C9orf40: variants seen among roughly 807,000 people sequenced by gnomAD.
C9orf40 encodes the protein uncharacterized protein C9orf40.
C9orf40 carries 2 observed loss-of-function variants against 7.9 expected under a neutral mutation model. That is an observed-to-expected ratio of 0.25 (90% CI 0.10 to 0.80). C9orf40 has a LOEUF of 0.80. C9orf40 is among the 30% of genes least tolerant of loss of function. C9orf40 has a pLI of 0.68. For synonymous variants in C9orf40, 113 were observed against 117.6 expected (o/e 0.96, Z 0.25); for missense variants, 256 against 268.5 (o/e 0.95, Z 0.33).
chr9:74,950,761 C>T (rs371143642), intron 1 of C9orf40, among the ~76,000 whole-genome samples: 15 of 152,270 alleles, frequency 9.9e-5, no homozygotes, highest in East Asian at 9.6e-4. Flanking sequence ...AGGATGCTAT[C>T]AGACAGCTGA....
chr9:74,949,957 G>C (rs1426093750), intron 1 of C9orf40, among the ~76,000 whole-genome samples: 2 of 151,604 alleles, frequency 1.3e-5, no homozygotes, highest in African/African-American at 2.4e-5. Context: ...AGCCCAGCCT[G>C]GGTAACATGG....
rs759542060 is a variant in C9orf40, at chr9:74,952,399, G to A, written c.213C>T (p.Ser71=). 5.7e-6 allele frequency: 9 copies of A among 1,581,580 alleles called. No homozygotes were observed. The highest frequency in any genetic ancestry group is 4.3e-6 in the Non-Finnish European group (5 of 1,171,328). ...TGTTGTCCCCGCTGTCACGGCGCTT[G>A]CTGGGCGAAGCCGAGGGCTCTGCCA... ...GTMAEPSASP[S]KRRDSGDNSA... Residue 71 remains serine (S), a synonymous_variant, in exon 1 of 2, where the codon AGC becomes AGT. Coordinates refer to ENST00000376854, the MANE Select transcript of C9orf40 (RefSeq NM_017998.3). This position sits in a 1 kb window ranked among gnomAD's most constrained non-coding sequence, Gnocchi z 5.4.
chr9:74,951,585 C>A (rs1832299418), intron 1 of C9orf40, among the ~76,000 whole-genome samples: 1 of 152,224 alleles, frequency 6.6e-6, no homozygotes. Flanking sequence ...GACACCACGC[C>A]CCGCCCCCAA....
In C9orf40 at chr9:74,952,199, AC is replaced by A. The variant is rs1184201262; in HGVS notation, c.412del (p.Val138SerfsTer34). The A allele has an allele frequency of 6.2e-5, 21 of 339,416 alleles. No homozygotes were observed. The highest frequency in any genetic ancestry group is 6.2e-5 in the African/African-American group (2 of 32,260). 21.0% of individuals were successfully genotyped at this position (339,416 alleles called of 1,614,324 possible). On this transcript the variant is annotated frameshift_variant, in exon 1 of 2. Coordinates refer to ENST00000376854, the MANE Select transcript of C9orf40 (RefSeq NM_017998.3). LOFTEE classifies it high-confidence loss of function. This position sits in a 1 kb window ranked among gnomAD's most constrained non-coding sequence, Gnocchi z 5.4. ...RAGPPRGDWG[V>X]ASRQHNEEFW... ...CCCAGCCCCTACCTGGCGCGATGCGACCCCCCAGTCTCCCCGCGGGGGTCCT... is the reference window on the plus strand; with the variant it reads ...CCCAGCCCCTACCTGGCGCGATGCGACCCCCAGTCTCCCCGCGGGGGTCCT...
chr9:74,948,284 T>C (rs1832263464), intron 1 of C9orf40, 78 bp from the exon 2 acceptor site: 2 of 988,314 alleles, frequency 2.0e-6, no homozygotes, highest in Non-Finnish European at 3.0e-6. Flanking sequence ...CAAATTTGTT[T>C]TAAAGGCAAA....
rs772407295 is a variant in C9orf40, at chr9:74,952,157, C to A, written c.426+29G>T. On this transcript the variant is annotated intron_variant, in intron 1 of 1. Coordinates refer to ENST00000376854, the MANE Select transcript of C9orf40 (RefSeq NM_017998.3). This position sits in a 1 kb window ranked among gnomAD's most constrained non-coding sequence, Gnocchi z 5.4. ...GTGGGGAAAAGGCAAGCCCCTTCGCCCCTCAGCCCACCCGCCCCCAGCCCC... is the reference window on the plus strand; with the variant it reads ...GTGGGGAAAAGGCAAGCCCCTTCGCACCTCAGCCCACCCGCCCCCAGCCCC... 5 of 561,054 alleles carry A rather than the reference C, an allele frequency of 8.9e-6. No individual in the cohort carries two copies. In the East Asian group the frequency reaches 1.9e-4, roughly 21 times the overall value. 34.8% of individuals were successfully genotyped at this position (561,054 alleles called of 1,614,324 possible).
chr9:74,952,676 C>T lies in C9orf40; in HGVS notation c.-65G>A, dbSNP rs1832318971. On this transcript the variant is annotated 5_prime_UTR_variant, in exon 1 of 2. Coordinates refer to ENST00000376854, the MANE Select transcript of C9orf40 (RefSeq NM_017998.3). This position sits in a 1 kb window ranked among gnomAD's most constrained non-coding sequence, Gnocchi z 5.4. Reference sequence around the variant, plus strand: ...ACCGAGTGCCGATAGCTGCGGGGGGCGAAGAGCGAGGACTGAGCGCGTGAG... The same window carrying T: ...ACCGAGTGCCGATAGCTGCGGGGGGTGAAGAGCGAGGACTGAGCGCGTGAG... 4 of 1,427,636 alleles carry T rather than the reference C, an allele frequency of 2.8e-6. No homozygotes were observed. Among genetic ancestry groups the T allele is most frequent in the Non-Finnish European group, 3.7e-6 (4 of 1,071,748 alleles). 88.4% of individuals were successfully genotyped at this position (1,427,636 alleles called of 1,614,324 possible).
rs773817891 is a variant in C9orf40 at position 74,948,082 on chromosome 9, C to T, written c.551G>A (p.Arg184Lys). ...DTLTEATLQG[R>K]NEGAEVDMES Reference sequence around the variant, plus strand: ...CATGTCAACCTCAGCCCCTTCATTCCTGCCCTGAAGTGTTGCTTCTGTCAG... The same window carrying T: ...CATGTCAACCTCAGCCCCTTCATTCTTGCCCTGAAGTGTTGCTTCTGTCAG... Residue 184 changes from arginine (R) to lysine (K), a missense_variant, in exon 2 of 2, where the codon AGG becomes AAG. Arg to Lys is a conservative substitution (Grantham distance 26). Coordinates refer to ENST00000376854, the MANE Select transcript of C9orf40 (RefSeq NM_017998.3). The T allele has an allele frequency of 6.2e-7, 1 of 1,614,024 alleles. No homozygotes were observed. Among genetic ancestry groups the T allele is most frequent in the Admixed American group, 1.7e-5 (1 of 60,010 alleles).
chr9:74,952,116 G>T lies in C9orf40; in HGVS notation c.426+70C>A. ...CCTACACAAGTCATGAGTGGGAACC[G>T]GGGCGTTTTGTGTGTGTGGGGAAAA... On this transcript the variant is annotated intron_variant, in intron 1 of 1. Transcript: ENST00000376854. The surrounding 1 kb of genome is among the most constrained non-coding windows in gnomAD (Gnocchi z 5.4). The T allele has an allele frequency of 3.6e-6, 2 of 548,130 alleles. No homozygotes were observed. Among genetic ancestry groups the T allele is most frequent in the East Asian group, 3.4e-5 (1 of 29,834 alleles). 34.0% of individuals were successfully genotyped at this position (548,130 alleles called of 1,614,324 possible).
In C9orf40 at chr9:74,952,824, G is replaced by A; in HGVS notation, c.-213C>T. On this transcript the variant is annotated 5_prime_UTR_variant, in exon 1 of 2. Coordinates refer to ENST00000376854, the MANE Select transcript of C9orf40 (RefSeq NM_017998.3). This position sits in a 1 kb window ranked among gnomAD's most constrained non-coding sequence, Gnocchi z 5.4. ...GAGGCAGCTCCCGCGCTCAGCCCTC[G>A]CCGCCGCCGAGATGCGGCCCGGACG... 2.0e-6 allele frequency: 1 copy of A among 496,476 alleles called. No homozygotes were observed. The highest frequency in any genetic ancestry group is 3.5e-6 in the Non-Finnish European group (1 of 284,266). 30.8% of individuals were successfully genotyped at this position (496,476 alleles called of 1,614,324 possible). A position where few individuals can be genotyped will look rare whatever the true frequency, so the allele number is the denominator to read the frequency against.
intron 1 of C9orf40, among the ~76,000 whole-genome samples, chr9:74,950,543 G>C (rs1181628926): frequency 2.7e-5 from 4 of 150,306 alleles, no homozygotes; most frequent in Non-Finnish European, 5.9e-5. Context: ...TTGAATATCT[G>C]AGAGCAATCT....
chr9:74,948,857 G>A (rs1011214797), intron 1 of C9orf40, among the ~76,000 whole-genome samples: 14 of 152,156 alleles, frequency 9.2e-5, no homozygotes, highest in African/African-American at 3.1e-4. Context: ...AAAGAATTAA[G>A]TTTTGGGGGA....
At chr9:74,948,680 G>T (rs1460995377) in intron 1 of C9orf40, among the ~76,000 whole-genome samples, 1 of 151,986 alleles carries the variant, frequency 6.6e-6, no homozygotes, top group Non-Finnish European at 1.5e-5. Context: ...AAAGTATTAG[G>T]TTATAAACAT....
rs138529859 is a variant in C9orf40, at chr9:74,950,008, G to A, written c.427-1802C>T. On this transcript the variant is annotated intron_variant, in intron 1 of 1. Transcript: ENST00000376854. The stretch of plus-strand genomic sequence containing the variant: ...ACAAAAAAAAAAAAATTAGTCCAGC[G>A]TGGTGGTGTGCACCTGCAGTCCCAA... Among the ~76,000 whole-genome samples the A allele has an allele frequency of 3.4e-3, 512 of 151,782 alleles. 1 individual carries two copies. The highest frequency in any genetic ancestry group is 0.012 in the African/African-American group (489 of 41,466).
rs1342038146 is a variant in C9orf40, at chr9:74,951,720, A to G, written c.426+466T>C. On this transcript the variant is annotated intron_variant, in intron 1 of 1. Transcript: ENST00000376854. Reference sequence around the variant, plus strand: ...GCTGTACCAGCCGGTAGGACGTTCAATTAATCAATGGCTACCACACTGGTC... The same window carrying G: ...GCTGTACCAGCCGGTAGGACGTTCAGTTAATCAATGGCTACCACACTGGTC... Among the ~76,000 whole-genome samples, 3 of 152,246 alleles carry G rather than the reference A, an allele frequency of 2.0e-5. No individual in the cohort carries two copies. The East Asian group carries it at 5.8e-4, about 29-fold the overall frequency.
Position 74,952,568 on chromosome 9 carries a change from G to A in C9orf40, c.44C>T (p.Pro15Leu). 6.3e-7 allele frequency: 1 copy of A among 1,585,944 alleles called. No homozygotes were observed. Among genetic ancestry groups the A allele is most frequent in the Non-Finnish European group, 8.5e-7 (1 of 1,175,440 alleles). The change falls in exon 1 of 2, where the codon CCT becomes CTT. Residue 15 changes from proline to leucine, a missense_variant. Coordinates refer to ENST00000376854, the MANE Select transcript of C9orf40 (RefSeq NM_017998.3). The surrounding 1 kb of genome is among the most constrained non-coding windows in gnomAD (Gnocchi z 5.4). ...GTCGCAAAGCAGGAGCCGCTTCCAA[G>A]GCACGTGGAACGTCACCGGCTCGGC... ...RAAEPVTFHVPWKRLLLCDFA... is the reference protein window; with the variant it reads ...RAAEPVTFHVLWKRLLLCDFA...
chr9:74,952,414 G>A lies in C9orf40; in HGVS notation c.198C>T (p.Pro66=). The A allele has an allele frequency of 6.3e-7, 1 of 1,590,736 alleles. No homozygotes were observed. The highest frequency in any genetic ancestry group is 2.3e-5 in the East Asian group (1 of 43,452). Residue 66 remains proline, a synonymous_variant, in exon 1 of 2, where the codon CCC becomes CCT. Coordinates refer to ENST00000376854, the MANE Select transcript of C9orf40 (RefSeq NM_017998.3). This position sits in a 1 kb window ranked among gnomAD's most constrained non-coding sequence, Gnocchi z 5.4. The stretch of plus-strand genomic sequence containing the variant: ...CACGGCGCTTGCTGGGCGAAGCCGA[G>A]GGCTCTGCCATGGTCCCTGCGTCGA... The part of the protein sequence containing the change: ...RKIDAGTMAE[P]SASPSKRRDS...
At position 74,952,911 on chromosome 9, in the gene C9orf40, C is replaced by CT. The variant is rs1832327174; in HGVS notation, c.-301dup. ...TGCGCACAACGTGCGCGCGCGCACT[C>CT]TGTCTGGCCAGGCGGAGCCGCTGGT... is the stretch of plus-strand genomic sequence containing the variant. On this transcript the variant is annotated 5_prime_UTR_variant, in exon 1 of 2. Coordinates refer to ENST00000376854, the MANE Select transcript of C9orf40 (RefSeq NM_017998.3). The surrounding 1 kb of genome is among the most constrained non-coding windows in gnomAD (Gnocchi z 5.4). 8.2e-6 allele frequency: 3 copies of CT among 366,972 alleles called. No homozygotes were observed. The highest frequency in any genetic ancestry group is 4.8e-5 in the Admixed American group (1 of 20,958). 22.7% of individuals were successfully genotyped at this position (366,972 alleles called of 1,614,324 possible).
Position 74,947,877 on chromosome 9 carries a change from A to T in C9orf40, c.*171T>A. 1 of 586,208 alleles carries T rather than the reference A, an allele frequency of 1.7e-6. No homozygotes were observed. The highest frequency in any genetic ancestry group is 1.9e-5 in the African/African-American group (1 of 53,142). The allele number at this position is 586,208 out of a possible 1,614,324, so 36.3% of individuals were successfully genotyped here. A position where few individuals can be genotyped will look rare whatever the true frequency, so the allele number is the denominator to read the frequency against. ...ACTCTATCCTTGACAAATCCTTATT[A>T]AGAGGTTCAGTAGTAACTGTAGGTA... is the stretch of plus-strand genomic sequence containing the variant. On this transcript the variant is annotated 3_prime_UTR_variant, in exon 2 of 2. Coordinates refer to ENST00000376854, the MANE Select transcript of C9orf40 (RefSeq NM_017998.3).
Sources: allele counts gnomAD v4.1 joint callset (sites outside exome capture counted in the v4.1 genomes callset), GRCh38; gene constraint gnomAD v4.1.1; non-coding constraint Gnocchi (gnomAD v3.1); transcripts MANE v1.5; gene names NCBI Gene and HGNC (gene_info 2026-07-23, HGNC 2026-07-21).